MYZAP: variants seen among roughly 807,000 people sequenced by gnomAD.
The protein encoded by MYZAP is GRINL1A complex locus upstream.
In MYZAP, 66 loss-of-function variants were observed where a neutral mutation model predicts 69.4. That is an observed-to-expected ratio of 0.95 (90% CI 0.78 to 1.17). The LOEUF (loss-of-function observed/expected upper bound fraction) is 1.17, where lower values mean the gene tolerates loss of function less well. Among genes scored for constraint, MYZAP ranks in the 50% most tolerant of loss-of-function variants. MYZAP has a pLI of 0.00. For synonymous variants in MYZAP, 256 were observed against 205.9 expected (o/e 1.24, Z -2.09); for missense variants, 611 against 556.2 (o/e 1.10, Z -0.99).
At chr15:57,682,363 G>A (rs1025330446) in intron 12 of MYZAP, among the ~76,000 whole-genome samples, 2 of 152,116 alleles carry the variant, frequency 1.3e-5, no homozygotes, top group Non-Finnish European at 2.9e-5. Flanking sequence ...ATGTAGTTGA[G>A]TTGTGTGTCC....
chr15:57,652,813 TG>T (rs2037794703), intron 10 of MYZAP, among the ~76,000 whole-genome samples: 1 of 152,158 alleles, frequency 6.6e-6, no homozygotes, highest in African/African-American at 2.4e-5. Context: ...AAAACAATAA[TG>T]GGGATCTTCA....
intron 11 of MYZAP, among the ~76,000 whole-genome samples, chr15:57,668,080 T>C (rs1354625124): frequency 6.6e-6 from 1 of 152,246 alleles, no homozygotes; most frequent in African/African-American, 2.4e-5. Flanking sequence ...GTCCAGCTTC[T>C]TTCACTCAGC....
chr15:57,629,970 G>GTTTTTT, intron 6 of MYZAP, 116 bp downstream of exon 6: 2 of 863,276 alleles, frequency 2.3e-6, no homozygotes, highest in Non-Finnish European at 3.1e-6. Flanking sequence ...TTCTTCATTG[G>GTTTTTT]ATTTTTTTTT....
In MYZAP at chr15:57,611,345, A is replaced by T. The variant is rs374428645; in HGVS notation, c.163-6688A>T. Reference sequence around the variant, plus strand: ...TTGCGTGCCTTCTCCTATCAGAGAAACTCTGTTTAGGATATTTACATTTTA... The same window carrying T: ...TTGCGTGCCTTCTCCTATCAGAGAATCTCTGTTTAGGATATTTACATTTTA... On this transcript the variant is annotated intron_variant, in intron 2 of 12. Transcript: ENST00000267853. Among the ~76,000 whole-genome samples, 17 of 152,212 alleles carry T rather than the reference A, an allele frequency of 1.1e-4. 1 individual carries two copies. The highest frequency in any genetic ancestry group is 8.5e-4 in the Admixed American group (13 of 15,294).
chr15:57,637,852 T>C, intron 9 of MYZAP, 78 bp downstream of exon 9: 2 of 1,407,712 alleles, frequency 1.4e-6, no homozygotes, highest in South Asian at 2.6e-5. Flanking sequence ...ATTTGACCCT[T>C]ACATTTTCAT....
intron 8 of MYZAP, among the ~76,000 whole-genome samples, chr15:57,635,405 T>C (rs1322846002): frequency 5.3e-5 from 8 of 152,218 alleles, no homozygotes; most frequent in African/African-American, 1.4e-4. Context: ...ATTTTATGCT[T>C]ATCTTCATTG....
At chr15:57,672,539 C>T (rs1190959090) in intron 11 of MYZAP, among the ~76,000 whole-genome samples, 1 of 152,160 alleles carries the variant, frequency 6.6e-6, no homozygotes, top group Non-Finnish European at 1.5e-5. Context: ...AGTGCAGCCC[C>T]CACTCTTTAG....
At chr15:57,636,229 G>A (rs2036810996) in intron 8 of MYZAP, among the ~76,000 whole-genome samples, 1 of 151,900 alleles carries the variant, frequency 6.6e-6, no homozygotes, top group Non-Finnish European at 1.5e-5. Flanking sequence ...CAACCACATA[G>A]GGGCAGGAGG....
At chr15:57,647,116 C>T in intron 10 of MYZAP, 1 of 985,440 alleles carries the variant, frequency 1.0e-6, no homozygotes, top group South Asian at 4.7e-5. Flanking sequence ...ATCACTCCTT[C>T]ATGGCAAAGC....
intron 1 of MYZAP, among the ~76,000 whole-genome samples, chr15:57,603,650 C>G (rs533037078): frequency 3.3e-5 from 5 of 152,202 alleles, no homozygotes; most frequent in Non-Finnish European, 5.9e-5. Flanking sequence ...CATGTTGTAG[C>G]ATGTGTCAGA....
chr15:57,613,076 C>T (rs772797946), intron 2 of MYZAP, among the ~76,000 whole-genome samples: 4 of 152,144 alleles, frequency 2.6e-5, no homozygotes, highest in Non-Finnish European at 4.4e-5. Context: ...GGACTACAGG[C>T]GCCTGCCACC....
chr15:57,657,193 A>G (rs766503167), intron 10 of MYZAP, among the ~76,000 whole-genome samples: 3 of 152,242 alleles, frequency 2.0e-5, no homozygotes, highest in Non-Finnish European at 4.4e-5. Context: ...CTTCAGAGAC[A>G]GTGAAACGAG....
At chr15:57,617,772 G>A (rs1208188516) in intron 2 of MYZAP, among the ~76,000 whole-genome samples, 2 of 152,200 alleles carry the variant, frequency 1.3e-5, no homozygotes, top group Non-Finnish European at 2.9e-5. Flanking sequence ...ATCTTTGTGG[G>A]AATTACTCTT....
At chr15:57,626,324 C>A (rs2036131920) in intron 5 of MYZAP, among the ~76,000 whole-genome samples, 1 of 152,142 alleles carries the variant, frequency 6.6e-6, no homozygotes, top group African/African-American at 2.4e-5. Context: ...CCTGTAAACA[C>A]TTTTTTATAA....
intron 12 of MYZAP, among the ~76,000 whole-genome samples, chr15:57,680,498 C>T (rs1459890811): frequency 2.0e-5 from 3 of 150,032 alleles, no homozygotes; most frequent in Non-Finnish European, 4.4e-5. Flanking sequence ...CACACACACA[C>T]ACACACACAC....
intron 1 of MYZAP, among the ~76,000 whole-genome samples, chr15:57,596,950 G>T (rs1334784854): frequency 6.6e-6 from 1 of 152,134 alleles, no homozygotes; most frequent in Non-Finnish European, 1.5e-5. Flanking sequence ...GGAAGACAGG[G>T]CTTAGGAACC....
At chr15:57,646,219 G>A (rs1465843654) in intron 10 of MYZAP, 1 of 1,289,336 alleles carries the variant, frequency 7.8e-7, no homozygotes, top group Admixed American at 2.3e-5. Context: ...TGGGTTGGAA[G>A]CGATTCCTTT....
chr15:57,637,546 T>C (rs2140458157), intron 8 of MYZAP, 149 bp from the exon 9 acceptor site: 1 of 707,360 alleles, frequency 1.4e-6, no homozygotes, highest in East Asian at 2.8e-5. Flanking sequence ...TTGGCAGTTT[T>C]GAGCCTTGTT....
chr15:57,620,246 AAATCTCCACC>A (rs1381701228), intron 3 of MYZAP, among the ~76,000 whole-genome samples: 7 of 152,212 alleles, frequency 4.6e-5, no homozygotes, highest in Non-Finnish European at 7.3e-5. Context: ...CCCTTCCCCC[AAATCTCCACC>A]AATATCCAGT....
Sources: gnomAD v4.1 joint callset for allele counts (sites outside exome capture counted in the v4.1 genomes callset) on GRCh38, gnomAD v4.1.1 for gene constraint, MANE v1.5 for transcripts, NCBI Gene and HGNC (gene_info 2026-07-23, HGNC 2026-07-21) for gene names.